PCDHGA10: variants seen among roughly 807,000 people sequenced by gnomAD.
The protein encoded by PCDHGA10 is protocadherin gamma-A10.
Under a neutral mutation model 59.5 loss-of-function variants are expected in PCDHGA10, and 42 were observed. The observed-to-expected ratio is 0.71, with a 90% CI of 0.55 to 0.91. PCDHGA10 has a LOEUF of 0.91. PCDHGA10 is among the 40% of genes least tolerant of loss of function. The probability of loss-of-function intolerance (pLI) is 0.00; values close to 1 mark genes in which losing one functional copy is unlikely to be tolerated. For missense variants in PCDHGA10, 1,111 were observed against 1,198.2 expected, an observed-to-expected ratio of 0.93 and a Z score of 1.07; for synonymous variants, 511 against 517.2, an observed-to-expected ratio of 0.99 and a Z score of 0.16.
chr5:141,457,301 CCAAA>C (rs1163780799), intron 1 of PCDHGA10, among the ~76,000 whole-genome samples: 1 of 152,090 alleles, frequency 6.6e-6, no homozygotes, highest in Non-Finnish European at 1.5e-5. Context: ...TTTTATTTTC[CCAAA>C]CAAAGAAACC....
rs747671382 is a variant in PCDHGA10 at position 141,444,152 on chromosome 5, A to ATTTTTT, written c.2436+28572_2436+28577dup. ...GATATGTGTCACTTGTGTGTACTGG[A>ATTTTTT]TTTTTTTTTTTTTTTTTTTTTTTTT... On this transcript the variant is annotated intron_variant, in intron 1 of 3. Coordinates refer to ENST00000398610, the MANE Select transcript of PCDHGA10 (RefSeq NM_018913.3). Among the ~76,000 whole-genome samples the ATTTTTT allele has an allele frequency of 3.5e-4, 12 of 33,898 alleles. 1 individual carries two copies. Among genetic ancestry groups the ATTTTTT allele is most frequent in the African/African-American group, 4.2e-4 (3 of 7,184 alleles). The allele number at this position is 33,898 out of a possible 152,430, so 22.2% of individuals were successfully genotyped here.
chr5:141,487,643 C>T lies in PCDHGA10; in HGVS notation c.2437-7164C>T. 1.2e-6 allele frequency: 2 copies of T among 1,614,104 alleles called. No homozygotes were observed. The highest frequency in any genetic ancestry group is 1.7e-6 in the Non-Finnish European group (2 of 1,179,986). Reference sequence around the variant, plus strand: ...GAGACCTTTGCAGGCTCAACAAATGCTTGAGGGTTATTCTGATCCAGGCAT... The same window carrying T: ...GAGACCTTTGCAGGCTCAACAAATGTTTGAGGGTTATTCTGATCCAGGCAT... On this transcript the variant is annotated intron_variant, in intron 1 of 3. Transcript: ENST00000398610. The surrounding 1 kb of genome is among the most constrained non-coding windows in gnomAD (Gnocchi z 5.0).
At chr5:141,505,106 G>A (rs934779049) in intron 2 of PCDHGA10, among the ~76,000 whole-genome samples, 1 of 152,188 alleles carries the variant, frequency 6.6e-6, no homozygotes, top group Non-Finnish European at 1.5e-5. Context: ...ATGTTGCAAT[G>A]AGCCAAGATC....
intron 1 of PCDHGA10, among the ~76,000 whole-genome samples, chr5:141,443,728 C>A (rs1434984241): frequency 1.3e-5 from 2 of 152,060 alleles, no homozygotes; most frequent in African/African-American, 2.4e-5. Flanking sequence ...ATTCCTCATA[C>A]ATTTCCCTAT....
At chr5:141,416,832 A>T (rs2154546669) in intron 1 of PCDHGA10, 1 of 152,168 alleles carries the variant, frequency 6.6e-6, no homozygotes, top group East Asian at 1.9e-4. Context: ...GTTTCTCAAG[A>T]CCCTTATAAT....
At chr5:141,461,133 T>C (rs2099009646) in intron 1 of PCDHGA10, among the ~76,000 whole-genome samples, 1 of 152,086 alleles carries the variant, frequency 6.6e-6, no homozygotes, top group South Asian at 2.1e-4. Flanking sequence ...TAATTACTTA[T>C]TTTCCTTTGG....
rs115565444 is a variant in PCDHGA10, at chr5:141,487,520, G to A, written c.2437-7287G>A. On this transcript the variant is annotated intron_variant, in intron 1 of 3. Transcript: ENST00000398610. This position sits in a 1 kb window ranked among gnomAD's most constrained non-coding sequence, Gnocchi z 5.0. ...CTTGGCTTCTGCACCCACTCGGAGT[G>A]ATAGCTTCATGATGGTGAAGTCACC... is the stretch of plus-strand genomic sequence containing the variant. The A allele has an allele frequency of 3.3e-4, 540 of 1,614,166 alleles. 6 individuals carry two copies. The East Asian group carries it at 8.7e-3, about 26-fold the overall frequency.
chr5:141,425,714 A>G (rs1259037833), intron 1 of PCDHGA10, among the ~76,000 whole-genome samples: 1 of 152,218 alleles, frequency 6.6e-6, no homozygotes, highest in African/African-American at 2.4e-5. Context: ...AAATTTTCCC[A>G]TACCACTTGA....
intron 1 of PCDHGA10, among the ~76,000 whole-genome samples, chr5:141,479,846 C>A (rs1350909064): frequency 1.3e-5 from 2 of 152,194 alleles, no homozygotes; most frequent in Admixed American, 6.5e-5. Context: ...TGCAAGGTGA[C>A]TGCAAGGCCT....
intron 1 of PCDHGA10, among the ~76,000 whole-genome samples, chr5:141,471,768 T>A (rs1203999329): frequency 6.6e-6 from 1 of 152,174 alleles, no homozygotes; most frequent in Non-Finnish European, 1.5e-5. Context: ...GGTCAAAAGA[T>A]GAGTTTGACA....
At chr5:141,465,983 A>G (rs1219092160) in intron 1 of PCDHGA10, among the ~76,000 whole-genome samples, 1 of 151,944 alleles carries the variant, frequency 6.6e-6, no homozygotes, top group East Asian at 1.9e-4. Context: ...TTAGCCGGGC[A>G]TGGTGGCAGG....
chr5:141,419,321 T>G, intron 1 of PCDHGA10: 1 of 1,613,950 alleles, frequency 6.2e-7, no homozygotes, highest in Non-Finnish European at 8.5e-7. Context: ...CGGCCGTGTC[T>G]CCTACTCTCT....
intron 1 of PCDHGA10, chr5:141,492,073 G>C (rs2099736846): frequency 6.2e-6 from 3 of 480,898 alleles, no homozygotes; most frequent in Non-Finnish European, 1.1e-5. Flanking sequence ...CCTAGGCGCC[G>C]GCTCCGGCAC....
intron 1 of PCDHGA10, chr5:141,478,633 T>C: frequency 6.4e-7 from 1 of 1,553,032 alleles, no homozygotes; most frequent in Non-Finnish European, 8.7e-7. Context: ...GTTTTTTTAG[T>C]GATGAAGATG....
At chr5:141,499,127 A>G (rs1198571084) in intron 2 of PCDHGA10, among the ~76,000 whole-genome samples, 1 of 152,134 alleles carries the variant, frequency 6.6e-6, no homozygotes, top group Non-Finnish European at 1.5e-5. Flanking sequence ...TTCTCAGGTC[A>G]TCCTTTGGGT....
intron 1 of PCDHGA10, 148 bp downstream of exon 1, chr5:141,415,759 T>TTG (rs2095938229): frequency 3.7e-6 from 5 of 1,352,054 alleles, no homozygotes; most frequent in Non-Finnish European, 4.8e-6. Flanking sequence ...TTTTTTTTTT[T>TTG]TTTTTTTTTT....
Position 141,486,799 on chromosome 5 carries a change from C to A in PCDHGA10, c.2437-8008C>A. The A allele has an allele frequency of 6.2e-7, 1 of 1,614,220 alleles. No individual in the cohort carries two copies. Among genetic ancestry groups the A allele is most frequent in the African/African-American group, 1.3e-5 (1 of 75,060 alleles). ...AGGTGCAGGCCCGGGATCGGGGCAA[C>A]CCACCCCTTAGCAGCACTGTAACAG... On this transcript the variant is annotated intron_variant, in intron 1 of 3. Coordinates refer to ENST00000398610, the MANE Select transcript of PCDHGA10 (RefSeq NM_018913.3). This position sits in a 1 kb window ranked among gnomAD's most constrained non-coding sequence, Gnocchi z 5.0.
chr5:141,420,956 T>C lies in PCDHGA10; in HGVS notation c.2436+5345T>C, dbSNP rs17097281. 2.2e-3 allele frequency: 904 copies of C among 416,864 alleles called. 5 individuals carry two copies. The highest frequency in any genetic ancestry group is 0.016 in the African/African-American group (760 of 48,560). 25.8% of individuals were successfully genotyped at this position (416,864 alleles called of 1,614,324 possible). A position where few individuals can be genotyped will look rare whatever the true frequency, so the allele number is the denominator to read the frequency against. Reference sequence around the variant, plus strand: ...AATCATTTCTTCTGGAATTTCTTAGTCGTTGCAATAATAAGAATGGGCTCT... The same window carrying C: ...AATCATTTCTTCTGGAATTTCTTAGCCGTTGCAATAATAAGAATGGGCTCT... On this transcript the variant is annotated intron_variant, in intron 1 of 3. Coordinates refer to ENST00000398610, the MANE Select transcript of PCDHGA10 (RefSeq NM_018913.3).
chr5:141,430,952 C>T, intron 1 of PCDHGA10: 2 of 1,610,382 alleles, frequency 1.2e-6, no homozygotes, highest in Non-Finnish European at 1.7e-6. Flanking sequence ...GCGCGGAGTC[C>T]GCATCATCCC....
Sources: gnomAD v4.1 joint callset for allele counts (sites outside exome capture counted in the v4.1 genomes callset) on GRCh38, gnomAD v4.1.1 for gene constraint, Gnocchi (gnomAD v3.1) non-coding constraint, MANE v1.5 for transcripts, NCBI Gene and HGNC (gene_info 2026-07-23, HGNC 2026-07-21) for gene names.